Variants in CAMK4 observed in about 807,000 individuals in gnomAD.
The protein encoded by CAMK4 is calcium/calmodulin-dependent protein kinase type IV.
Under a neutral mutation model 44.9 loss-of-function variants are expected in CAMK4, and 22 were observed. The ratio of observed to expected loss-of-function variants is 0.49; its 90% CI spans 0.35 to 0.70. The LOEUF is 0.70. Among genes scored for constraint, CAMK4 ranks in the 30% least tolerant of loss-of-function variants. The pLI is 0.01. For missense variants in CAMK4, 498 were observed against 586.8 expected, an observed-to-expected ratio of 0.85 and a Z score of 1.56; for synonymous variants, 218 against 215.4, an observed-to-expected ratio of 1.01 and a Z score of -0.11.
intron 1 of CAMK4, among the ~76,000 whole-genome samples, chr5:111,313,133 G>A (rs1224343435): frequency 6.6e-6 from 1 of 152,032 alleles, no homozygotes; most frequent in African/African-American, 2.4e-5. Flanking sequence ...GCATTTTGGA[G>A]CAATAATTCT....
At chr5:111,456,204 TA>T (rs1002975849) in intron 7 of CAMK4, among the ~76,000 whole-genome samples, 222 of 151,286 alleles carry the variant, frequency 1.5e-3, no homozygotes, top group African/African-American at 4.9e-3. Context: ...AAACACTCAT[TA>T]AAAAAAAATT....
Position 111,373,765 on chromosome 5 carries a change from AC to A in CAMK4, c.241-1084del, listed in dbSNP as rs111841328. On this transcript the variant is annotated intron_variant, in intron 2 of 10. Coordinates refer to ENST00000282356, the MANE Select transcript of CAMK4 (RefSeq NM_001744.6). ...CTTCTTCACTTCTAAAACCATGTAA[AC>A]TCTTGCTAGTTCAAAGGTTCGGGAC... 1.6e-3 allele frequency among the ~76,000 whole-genome samples: 245 copies of A among 152,202 alleles called. 2 individuals carry two copies. The highest frequency in any genetic ancestry group is 5.5e-3 in the African/African-American group (229 of 41,532).
intron 4 of CAMK4, among the ~76,000 whole-genome samples, chr5:111,378,186 A>C (rs1293664436): frequency 6.6e-6 from 1 of 152,052 alleles, no homozygotes; most frequent in Admixed American, 6.6e-5. Context: ...TTCCCCTTTT[A>C]CTATGTAAGG....
At chr5:111,474,960 G>A (rs1205199706) in intron 8 of CAMK4, among the ~76,000 whole-genome samples, 2 of 152,164 alleles carry the variant, frequency 1.3e-5, no homozygotes, top group African/African-American at 2.4e-5. Context: ...TCAGGAGATC[G>A]AGACCATCCT....
At chr5:111,478,697 C>A (rs985901657) in intron 9 of CAMK4, among the ~76,000 whole-genome samples, 190 bp downstream of exon 9, 2 of 152,098 alleles carry the variant, frequency 1.3e-5, no homozygotes, top group Non-Finnish European at 2.9e-5. Context: ...GTTTTTGACT[C>A]ATCACTAGTT....
At chr5:111,335,996 G>T (rs1057037495) in intron 1 of CAMK4, among the ~76,000 whole-genome samples, 1 of 151,108 alleles carries the variant, frequency 6.6e-6, no homozygotes, top group Non-Finnish European at 1.5e-5. Flanking sequence ...GACAAAACTA[G>T]AGCTCAAAAA....
chr5:111,343,980 T>C lies in CAMK4; in HGVS notation c.162-44T>C, dbSNP rs1397346670. ...TTTTCAAGCTTTCCCCTTTAATTCATGTCCAAAGCATAACATTTTCTTTTT... is the reference window on the plus strand; with the variant it reads ...TTTTCAAGCTTTCCCCTTTAATTCACGTCCAAAGCATAACATTTTCTTTTT... On this transcript the variant is annotated intron_variant, in intron 1 of 10. Transcript: ENST00000282356. 8 of 1,143,970 alleles carry C rather than the reference T, an allele frequency of 7.0e-6. No homozygotes were observed. The East Asian group carries it at 1.9e-4, about 27-fold the overall frequency. 70.9% of individuals were successfully genotyped at this position (1,143,970 alleles called of 1,614,324 possible). A position where few individuals can be genotyped will look rare whatever the true frequency, so the allele number is the denominator to read the frequency against.
At chr5:111,403,221 G>C (rs1434489926) in intron 5 of CAMK4, among the ~76,000 whole-genome samples, 2 of 149,708 alleles carry the variant, frequency 1.3e-5, no homozygotes, top group East Asian at 1.9e-4. Flanking sequence ...GAAGTTTAAG[G>C]GTTTTGAAAA....
chr5:111,379,956 T>C (rs1017498560), intron 4 of CAMK4, among the ~76,000 whole-genome samples: 28 of 152,290 alleles, frequency 1.8e-4, no homozygotes, highest in African/African-American at 6.5e-4. Flanking sequence ...TGATTTGTTG[T>C]GCCCAGGAAA....
At chr5:111,255,556 A>G (rs10478041) in intron 1 of CAMK4, among the ~76,000 whole-genome samples, 34,562 of 152,106 alleles carry the variant, frequency 0.23, 4,512 homozygotes, top group African/African-American at 0.36. Flanking sequence ...TAAAAAAGCC[A>G]TGATCTAAAG....
intron 1 of CAMK4, among the ~76,000 whole-genome samples, chr5:111,295,062 A>C (rs1747428831): frequency 1.3e-5 from 2 of 152,252 alleles, no homozygotes; most frequent in Admixed American, 1.3e-4. Context: ...TTTAAATTTC[A>C]AATTAAAAAC....
intron 4 of CAMK4, among the ~76,000 whole-genome samples, chr5:111,389,555 TG>T (rs1160369359): frequency 6.6e-6 from 1 of 152,168 alleles, no homozygotes; most frequent in Non-Finnish European, 1.5e-5. Context: ...AGCTCATGGT[TG>T]TGGAAGTTGG....
chr5:111,312,707 C>A (rs1431364144), intron 1 of CAMK4, among the ~76,000 whole-genome samples: 2 of 152,052 alleles, frequency 1.3e-5, no homozygotes, highest in Non-Finnish European at 2.9e-5. Context: ...CTTGTGGAAC[C>A]ATCCAAGAAA....
At chr5:111,467,144 A>G (rs565382456) in intron 7 of CAMK4, among the ~76,000 whole-genome samples, 176 of 152,282 alleles carry the variant, frequency 1.2e-3, no homozygotes, top group African/African-American at 4.0e-3. Context: ...ATGTATATGA[A>G]TGAAACTGGA....
intron 1 of CAMK4, among the ~76,000 whole-genome samples, chr5:111,296,342 T>C (rs1223087442): frequency 1.3e-5 from 2 of 152,240 alleles, no homozygotes; most frequent in Non-Finnish European, 2.9e-5. Context: ...AGGAAAAGTC[T>C]GGAAAGTTTT....
At chr5:111,446,210 T>C (rs1754022432) in intron 5 of CAMK4, among the ~76,000 whole-genome samples, 1 of 152,224 alleles carries the variant, frequency 6.6e-6, no homozygotes, top group South Asian at 2.1e-4. Context: ...TAGTTCTCTA[T>C]AATAACTCAC....
At chr5:111,280,092 A>G (rs1750946496) in intron 1 of CAMK4, among the ~76,000 whole-genome samples, 1 of 152,232 alleles carries the variant, frequency 6.6e-6, no homozygotes, top group African/African-American at 2.4e-5. Flanking sequence ...GGCAGTTTTC[A>G]TGAAAAGAAC....
At chr5:111,246,997 G>A (rs1749271027) in intron 1 of CAMK4, among the ~76,000 whole-genome samples, 1 of 152,148 alleles carries the variant, frequency 6.6e-6, no homozygotes, top group Non-Finnish European at 1.5e-5. Flanking sequence ...TATTGCTGTA[G>A]AAGATGGGAA....
At chr5:111,480,722 C>A (rs1440586087) in intron 9 of CAMK4, among the ~76,000 whole-genome samples, 1 of 152,100 alleles carries the variant, frequency 6.6e-6, no homozygotes, top group East Asian at 1.9e-4. Flanking sequence ...TTGTACCTAT[C>A]TCTAGGTCGT....
Sources: gnomAD v4.1 joint callset for allele counts (sites outside exome capture counted in the v4.1 genomes callset) on GRCh38, gnomAD v4.1.1 for gene constraint, MANE v1.5 for transcripts, NCBI Gene and HGNC (gene_info 2026-07-23, HGNC 2026-07-21) for gene names.